Variants in LARP4 observed in about 807,000 individuals in gnomAD.
LARP4 encodes the protein la-related protein 4.
LARP4 carries 29 observed loss-of-function variants against 92.9 expected under a neutral mutation model. The ratio of observed to expected loss-of-function variants is 0.31; its 90% confidence interval spans 0.23 to 0.43. The LOEUF is 0.43. LARP4 is among the 20% of genes least tolerant of loss of function. LARP4 has a pLI of 1.00. For synonymous variants in LARP4, 279 were observed against 284.1 expected, an observed-to-expected ratio of 0.98 and a Z score of 0.18; for missense variants, 732 against 860.0, an observed-to-expected ratio of 0.85 and a Z score of 1.86.
At chr12:50,459,613 C>T (rs1478281647) in intron 10 of LARP4, among the ~76,000 whole-genome samples, 1 of 152,074 alleles carries the variant, frequency 6.6e-6, no homozygotes, top group East Asian at 1.9e-4. Flanking sequence ...ATCACCAGGT[C>T]AGGAGATCGA....
Position 50,421,366 on chromosome 12 carries a change from G to A in LARP4, c.19-6396G>A, listed in dbSNP as rs1392762690. ...GCATTTTAATGGAATGCTTTAGGCT[G>A]GGTGCAGCGGCTCACACCTGTAATC... On this transcript the variant is annotated intron_variant, in intron 1 of 15. Transcript: ENST00000398473. 3 of 823,464 alleles carry A rather than the reference G, an allele frequency of 3.6e-6. No homozygotes were observed. In the South Asian group the frequency reaches 1.7e-4, roughly 45 times the overall value. 51.0% of individuals were successfully genotyped at this position (823,464 alleles called of 1,614,324 possible). A position where few individuals can be genotyped will look rare whatever the true frequency, so the allele number is the denominator to read the frequency against.
intron 4 of LARP4, among the ~76,000 whole-genome samples, chr12:50,433,825 A>G (rs1950040268): frequency 6.6e-6 from 1 of 152,002 alleles, no homozygotes; most frequent in Non-Finnish European, 1.5e-5. Flanking sequence ...TTTTTAGTAG[A>G]GACGAGGTTT....
intron 1 of LARP4, among the ~76,000 whole-genome samples, chr12:50,425,745 G>A (rs561259685): frequency 2.9e-4 from 44 of 152,242 alleles, no homozygotes; most frequent in Non-Finnish European, 5.4e-4. Flanking sequence ...TAGATCATTT[G>A]TTCCCCTGGG....
intron 8 of LARP4, among the ~76,000 whole-genome samples, chr12:50,443,785 G>A (rs1462472448): frequency 6.6e-6 from 1 of 151,854 alleles, no homozygotes; most frequent in African/African-American, 2.4e-5. Flanking sequence ...GCTAATTTTT[G>A]TATTTTTAGT....
Position 50,453,608 on chromosome 12 carries a change from C to T in LARP4, c.953C>T (p.Ser318Leu), listed in dbSNP as rs200920592. Residue 318 changes from serine (S) to leucine (L), a missense_variant, in exon 9 of 16, where the codon TCG (serine) becomes TTG (leucine). Physicochemically the swap from Ser to Leu is moderately radical, Grantham distance 145 (BLOSUM62 -2). Coordinates refer to ENST00000398473, the MANE Select transcript of LARP4 (RefSeq NM_052879.5). The stretch of plus-strand genomic sequence containing the variant: ...GTATATAATCCTCACCAACAGTACT[C>T]GGTCTATAGTATTGTGCCTCAGTCT... ...QPVYNPHQQY[S>L]VYSIVPQSWS... is the part of the protein sequence containing the mutation. 2.6e-5 allele frequency: 42 copies of T among 1,613,394 alleles called. No homozygotes were observed. In the African/African-American group the frequency reaches 3.3e-4, roughly 13 times the overall value.
At chr12:50,419,946 C>A (rs1046518755) in intron 1 of LARP4, among the ~76,000 whole-genome samples, 4 of 152,060 alleles carry the variant, frequency 2.6e-5, no homozygotes, top group Middle Eastern at 3.2e-3. Flanking sequence ...AAAATTCTTA[C>A]AAAGTTCTAA....
intron 8 of LARP4, among the ~76,000 whole-genome samples, chr12:50,446,616 A>G (rs552143836): frequency 6.7e-6 from 1 of 148,692 alleles, no homozygotes; most frequent in African/African-American, 2.5e-5. Flanking sequence ...TTTAGTAGAG[A>G]CAGGGTTTCA....
intron 1 of LARP4, among the ~76,000 whole-genome samples, chr12:50,408,293 G>T (rs949849765): frequency 1.6e-4 from 24 of 150,398 alleles, no homozygotes; most frequent in Non-Finnish European, 2.8e-4. Context: ...CGCCTCCCGG[G>T]TTCAAGTGAT....
intron 5 of LARP4, among the ~76,000 whole-genome samples, 158 bp downstream of exon 5, chr12:50,435,782 G>T (rs1446841948): frequency 2.0e-5 from 3 of 150,528 alleles, no homozygotes; most frequent in African/African-American, 7.3e-5. Context: ...TTTTTTCGGG[G>T]GTTGTGGTGA....
rs530833013 is a variant in LARP4 at position 50,462,089 on chromosome 12, A to T, written c.1335-493A>T. On this transcript the variant is annotated intron_variant, in intron 11 of 15. Coordinates refer to ENST00000398473, the MANE Select transcript of LARP4 (RefSeq NM_052879.5). The stretch of plus-strand genomic sequence containing the variant: ...CTTACTTTATGGTGTGGTAGTAGGT[A>T]AAGTTTTTAGTAAATTGGCTCAAGA... 1.1e-4 allele frequency among the ~76,000 whole-genome samples: 16 copies of T among 152,326 alleles called. No individual in the cohort carries two copies. The South Asian group carries it at 3.1e-3, about 30-fold the overall frequency.
intron 10 of LARP4, among the ~76,000 whole-genome samples, chr12:50,457,555 T>C (rs938084983): frequency 6.6e-6 from 1 of 152,098 alleles, no homozygotes; most frequent in Non-Finnish European, 1.5e-5. Context: ...GGCTCATGCC[T>C]ATATTCCCCA....
At chr12:50,466,457 A>AG (rs1443867918) in intron 12 of LARP4, among the ~76,000 whole-genome samples, 6 of 152,002 alleles carry the variant, frequency 3.9e-5, no homozygotes, top group African/African-American at 7.2e-5. Context: ...CTACTAAAAA[A>AG]CAAAAAATAA....
intron 1 of LARP4, among the ~76,000 whole-genome samples, chr12:50,416,735 A>T (rs867873747): frequency 6.6e-6 from 1 of 152,186 alleles, no homozygotes; most frequent in African/African-American, 2.4e-5. Context: ...CTGTAATCCC[A>T]GCACTTTGGG....
intron 6 of LARP4, among the ~76,000 whole-genome samples, chr12:50,440,091 A>G (rs1950984518): frequency 6.6e-6 from 1 of 152,218 alleles, no homozygotes; most frequent in South Asian, 2.1e-4. Flanking sequence ...CTGGAAGTGA[A>G]ATACTTACGC....
chr12:50,449,805 C>T (rs1445365057), intron 8 of LARP4, among the ~76,000 whole-genome samples: 1 of 151,582 alleles, frequency 6.6e-6, no homozygotes, highest in Admixed American at 6.6e-5. Flanking sequence ...GATTTTTTAG[C>T]CAATTTTTAT....
intron 12 of LARP4, among the ~76,000 whole-genome samples, chr12:50,464,679 C>T (rs1204863961): frequency 6.6e-6 from 1 of 151,214 alleles, no homozygotes; most frequent in Non-Finnish European, 1.5e-5. Context: ...AGGCGTGAGC[C>T]ATCGTGCCTG....
chr12:50,452,989 A>C lies in LARP4; in HGVS notation c.805-471A>C, dbSNP rs750060615. Among the ~76,000 whole-genome samples the C allele has an allele frequency of 1.0e-3, 155 of 151,794 alleles. 1 individual carries two copies. The highest frequency in any genetic ancestry group is 1.6e-3 in the Non-Finnish European group (109 of 68,004). ...TGGTAGTGCGATCATAGCTCACAGC[A>C]GCCTCCAGCTCCTTGGCTCAAGCAG... On this transcript the variant is annotated intron_variant, in intron 8 of 15. Coordinates refer to ENST00000398473, the MANE Select transcript of LARP4 (RefSeq NM_052879.5).
intron 12 of LARP4, among the ~76,000 whole-genome samples, chr12:50,466,402 T>C (rs1197337625): frequency 1.3e-5 from 2 of 152,056 alleles, no homozygotes; most frequent in African/African-American, 4.8e-5. Context: ...TCACTTAAGC[T>C]CAAGAGTTTG....
At chr12:50,442,354 C>A (rs1197341726) in intron 8 of LARP4, among the ~76,000 whole-genome samples, 2 of 152,192 alleles carry the variant, frequency 1.3e-5, no homozygotes, top group African/African-American at 4.8e-5. Flanking sequence ...TCACTGATGA[C>A]ACATTTGATC....
Sources: allele counts gnomAD v4.1 joint callset (sites outside exome capture counted in the v4.1 genomes callset), GRCh38; gene constraint gnomAD v4.1.1; transcripts MANE v1.5; gene names NCBI Gene and HGNC (gene_info 2026-07-23, HGNC 2026-07-21).